The following PKD1L3 variants were observed in gnomAD, a reference collection of about 807,000 sequenced individuals.
PKD1L3 encodes the protein polycystin-1-like protein 3.
In PKD1L3, 239 loss-of-function variants were observed where a neutral mutation model predicts 184.1. The ratio of observed to expected loss-of-function variants is 1.30; its 90% confidence interval spans 1.17 to 1.45. PKD1L3 has a LOEUF of 1.45. Ranked by LOEUF, PKD1L3 falls within the 40% of genes most tolerant of loss-of-function variation. PKD1L3 has a pLI of 0.00. For synonymous variants in PKD1L3, 996 were observed against 778.8 expected (o/e 1.28, Z -4.64); for missense variants, 2,660 against 2,067.2 (o/e 1.29, Z -5.56).
At position 71,977,354 on chromosome 16, in the gene PKD1L3, C is replaced by A. The variant is rs765359450; in HGVS notation, c.1641G>T (p.Val547=). The part of the protein sequence containing the change: ...NVTSLEKSLI[V]SIDPDSPLLM... Reference sequence around the variant, plus strand: ...AAAGGGGACTGTCAGGATCTATGCTCACTATCAAGGATTTCTCCAAGGAAG... The same window carrying A: ...AAAGGGGACTGTCAGGATCTATGCTAACTATCAAGGATTTCTCCAAGGAAG... Residue 547 remains valine, a synonymous_variant, in exon 11 of 30, where the codon GTG becomes GTT. Transcript: ENST00000620267. 143 of 1,548,658 alleles carry A rather than the reference C, an allele frequency of 9.2e-5. 3 individuals are homozygous for A. The highest frequency in any genetic ancestry group is 5.6e-4 in the South Asian group (47 of 83,986).
chr16:71,956,779 C>T (rs1312348071), intron 16 of PKD1L3, among the ~76,000 whole-genome samples: 1 of 152,160 alleles, frequency 6.6e-6, no homozygotes, highest in Non-Finnish European at 1.5e-5. Context: ...TACTGCACTA[C>T]ACACTTAAAA....
intron 2 of PKD1L3, 136 bp from the exon 3 acceptor site, chr16:71,993,468 A>G: frequency 1.6e-6 from 1 of 607,144 alleles, no homozygotes. Flanking sequence ...TTTTAAGGAC[A>G]CTAAGAATTC....
intron 16 of PKD1L3, 37 bp from the exon 17 acceptor site, chr16:71,954,338 TTTA>T: frequency 6.9e-7 from 1 of 1,445,930 alleles, no homozygotes; most frequent in Non-Finnish European, 9.3e-7. Context: ...TACATGAGAT[TTTA>T]TTCTGAAAGT....
intron 17 of PKD1L3, 85 bp from the exon 18 acceptor site, chr16:71,953,178 C>T: frequency 8.7e-7 from 1 of 1,152,718 alleles, no homozygotes; most frequent in Admixed American, 3.7e-5. Flanking sequence ...TAACTATTTA[C>T]TGAGGAAGTT....
At chr16:71,977,562 T>TCC (rs59253077) in intron 10 of PKD1L3, 95 bp from the exon 11 acceptor site, 52,370 of 610,710 alleles carry the variant, frequency 0.086, 1,064 homozygotes, top group South Asian at 0.13. Flanking sequence ...TCCTAGCTCT[T>TCC]TTTTTTTTTT....
At chr16:71,960,447 T>C (rs557067870) in intron 16 of PKD1L3, among the ~76,000 whole-genome samples, 1 of 151,498 alleles carries the variant, frequency 6.6e-6, no homozygotes, top group Non-Finnish European at 1.5e-5. Context: ...GAACAAACAA[T>C]AGAAATAATA....
At chr16:71,933,630 T>C (rs2038069666) in intron 27 of PKD1L3, 109 bp from the exon 28 acceptor site, 2 of 854,784 alleles carry the variant, frequency 2.3e-6, no homozygotes, top group Non-Finnish European at 3.8e-6. Context: ...AAATTCCTTG[T>C]GGCCAAATTA....
intron 12 of PKD1L3, among the ~76,000 whole-genome samples, chr16:71,972,226 C>CA (rs1178915776): frequency 7.5e-5 from 11 of 147,562 alleles, no homozygotes; most frequent in Admixed American, 2.0e-4. Context: ...AAAAAACACA[C>CA]AAAAAAACAA....
chr16:71,986,863 T>C (rs2040387986), intron 4 of PKD1L3, among the ~76,000 whole-genome samples: 2 of 148,970 alleles, frequency 1.3e-5, no homozygotes, highest in South Asian at 2.1e-4. Context: ...ACAATAATGC[T>C]AAGCAGAGAG....
At position 71,972,537 on chromosome 16, in the gene PKD1L3, A is replaced by T. The variant is rs187506549; in HGVS notation, c.1953+787T>A. Among the ~76,000 whole-genome samples, 354 of 152,140 alleles carry T rather than the reference A, an allele frequency of 2.3e-3. 1 individual carries two copies. The highest frequency in any genetic ancestry group is 4.1e-3 in the Non-Finnish European group (280 of 68,006). The stretch of plus-strand genomic sequence containing the variant: ...TGTCTGTTCAAAAATCTAAAACATT[A>T]GCCAGGCATGGTGGCACATGCCTGT... On this transcript the variant is annotated intron_variant, in intron 12 of 29. Coordinates refer to ENST00000620267, the MANE Select transcript of PKD1L3 (RefSeq NM_181536.2).
At chr16:71,949,680 T>C in intron 21 of PKD1L3, 103 bp downstream of exon 21, 1 of 1,082,074 alleles carries the variant, frequency 9.2e-7, no homozygotes, top group South Asian at 1.6e-5. Flanking sequence ...TTTTGTTGTT[T>C]ATGTTACATT....
In PKD1L3 at chr16:71,984,068, C is replaced by G. The variant is rs368094835; in HGVS notation, c.934G>C (p.Ala312Pro). 92 of 1,552,286 alleles carry G rather than the reference C, an allele frequency of 5.9e-5. No homozygotes were observed. In the African/African-American group the frequency reaches 1.1e-3, roughly 19 times the overall value. ...GGCTTAGAAAATCTTGGGGTTAAGG[C>G]TGTTAGTTTCTGGAGGAACTCACAA... Reference protein sequence around the residue: ...EACEFLQKLTALTPRFSKPAQ... With the variant: ...EACEFLQKLTPLTPRFSKPAQ... The change falls in exon 6 of 30, where the codon GCC becomes CCC. Residue 312 changes from alanine to proline, a missense_variant. Physicochemically the swap from Ala to Pro is conservative, Grantham distance 27. Transcript: ENST00000620267.
Position 71,942,775 on chromosome 16 carries a change from G to A in PKD1L3, c.4109C>T (p.Pro1370Leu). ...KCGVQLIFQIPRTKTYEKVDE... is the reference protein window; with the variant it reads ...KCGVQLIFQILRTKTYEKVDE... ...CACTTTCTCATAGGTCTTGGTACGG[G>A]GTATTTGGAAAATTAATTGTACCCC... is the stretch of plus-strand genomic sequence containing the variant. Residue 1370 changes from proline to leucine, a missense_variant, in exon 24 of 30, where the codon CCC (proline) becomes CTC (leucine). Transcript: ENST00000620267. 2 of 1,551,596 alleles carry A rather than the reference G, an allele frequency of 1.3e-6. No individual in the cohort carries two copies. Among genetic ancestry groups the A allele is most frequent in the Non-Finnish European group, 1.7e-6 (2 of 1,146,998 alleles).
intron 16 of PKD1L3, among the ~76,000 whole-genome samples, chr16:71,959,408 C>G (rs1050336119): frequency 6.6e-6 from 1 of 152,086 alleles, no homozygotes; most frequent in Non-Finnish European, 1.5e-5. Flanking sequence ...AAAAATCCGT[C>G]TCAAAAACCA....
chr16:71,983,444 A>T (rs2040235618), intron 6 of PKD1L3, among the ~76,000 whole-genome samples: 1 of 152,056 alleles, frequency 6.6e-6, no homozygotes, highest in Non-Finnish European at 1.5e-5. Flanking sequence ...AATGTGTTCC[A>T]CTGAATGCCG....
In PKD1L3 at chr16:71,987,011, G is replaced by A. The variant is rs202119110; in HGVS notation, c.586-542C>T. Among the ~76,000 whole-genome samples the A allele has an allele frequency of 8.4e-5, 11 of 131,222 alleles. No individual in the cohort carries two copies. The East Asian group carries it at 1.7e-3, about 20-fold the overall frequency. 86.1% of individuals were successfully genotyped at this position (131,222 alleles called of 152,430 possible). On this transcript the variant is annotated intron_variant, in intron 4 of 29. Transcript: ENST00000620267. The stretch of plus-strand genomic sequence containing the variant: ...ACGATCTCGGCTCACTGCAGCCTCC[G>A]CCTCCTGGGTTCAAGTGATTCTCCT...
chr16:71,963,057 C>T (rs887259282), intron 16 of PKD1L3, 148 bp downstream of exon 16: 1 of 785,104 alleles, frequency 1.3e-6, no homozygotes, highest in Non-Finnish European at 1.8e-6. Context: ...ATGGTTACAC[C>T]AGTTACAACC....
chr16:71,963,383 A>T, intron 15 of PKD1L3, 32 bp from the exon 16 acceptor site: 2 of 1,519,690 alleles, frequency 1.3e-6, no homozygotes, highest in Non-Finnish European at 1.8e-6. Flanking sequence ...CACATTAGGG[A>T]GATGGGCTTG....
rs35324670 is a variant in PKD1L3 at position 71,982,278 on chromosome 16, C to CTTT, written c.967-46_967-44dup. 4.5e-3 allele frequency: 1,943 copies of CTTT among 431,666 alleles called. 1 individual carries two copies. The highest frequency in any genetic ancestry group is 7.5e-3 in the South Asian group (168 of 22,432). The allele number at this position is 431,666 out of a possible 1,614,324, so 26.7% of individuals were successfully genotyped here. On this transcript the variant is annotated intron_variant, in intron 6 of 29. Transcript: ENST00000620267. ...CAAACATACACCCTTGAATTGTTTG[C>CTTT]TTTTTTTTTTTTTTTTTTTTTTTGG...
Sources: gnomAD v4.1 joint callset for allele counts (sites outside exome capture counted in the v4.1 genomes callset) on GRCh38, gnomAD v4.1.1 for gene constraint, MANE v1.5 for transcripts, NCBI Gene and HGNC (gene_info 2026-07-23, HGNC 2026-07-21) for gene names.